STKLD1: variants seen among roughly 807,000 people sequenced by gnomAD.
STKLD1 encodes serine/threonine kinase-like domain-containing protein STKLD1.
STKLD1 carries 79 observed loss-of-function variants against 80.4 expected under a neutral mutation model. That is an observed-to-expected ratio of 0.98 (90% confidence interval 0.82 to 1.19). STKLD1 has a LOEUF of 1.19. Ranked by LOEUF, STKLD1 falls within the 50% of genes most tolerant of loss-of-function variation. The probability of loss-of-function intolerance (pLI) is 0.00; values close to 1 mark genes in which losing one functional copy is unlikely to be tolerated. For synonymous variants in STKLD1, 393 were observed against 357.6 expected (o/e 1.10, Z -1.12); for missense variants, 841 against 856.0 (o/e 0.98, Z 0.22).
Position 133,394,474 on chromosome 9 carries a change from G to T in STKLD1, c.702+65G>T, listed in dbSNP as rs917872222. 7.3e-6 allele frequency: 9 copies of T among 1,229,560 alleles called. No homozygotes were observed. The highest frequency in any genetic ancestry group is 6.0e-6 in the Non-Finnish European group (5 of 835,018). The allele number at this position is 1,229,560 out of a possible 1,614,324, so 76.2% of individuals were successfully genotyped here. On this transcript the variant is annotated intron_variant, in intron 8 of 17. Coordinates refer to ENST00000371957, the MANE Select transcript of STKLD1 (RefSeq NM_153710.5). This position sits in a 1 kb window ranked among gnomAD's most constrained non-coding sequence, Gnocchi z 4.9. ...CCCACGCGCCCAGGCCTGGGGAAAA[G>T]GCTTGGCCTCACCCTGCCTCCCCTC...
Position 133,403,843 on chromosome 9 carries a change from C to T in STKLD1, c.1603+15C>T, listed in dbSNP as rs374861261. 1.9e-4 allele frequency: 310 copies of T among 1,612,542 alleles called. No homozygotes were observed. Among genetic ancestry groups the T allele is most frequent in the Non-Finnish European group, 1.7e-4 (197 of 1,179,504 alleles). ...GTCCCTGCTGGGTGAGCTGGGTGGG[C>T]GCCCTGGGCCCCTGGGGCTGGGAGG... On this transcript the variant is annotated intron_variant, in intron 15 of 17. Transcript: ENST00000371957.
At chr9:133,396,910 G>C (rs371125464) in intron 9 of STKLD1, among the ~76,000 whole-genome samples, 1 of 152,300 alleles carries the variant, frequency 6.6e-6, no homozygotes, top group African/African-American at 2.4e-5. Context: ...CCAGGGCCCC[G>C]GACTGTCCCC....
Position 133,394,108 on chromosome 9 carries a change from G to A in STKLD1, c.584-183G>A. On this transcript the variant is annotated intron_variant, in intron 7 of 17. Coordinates refer to ENST00000371957, the MANE Select transcript of STKLD1 (RefSeq NM_153710.5). The surrounding 1 kb of genome is among the most constrained non-coding windows in gnomAD (Gnocchi z 4.9). ...CAACACAAAGCTCCCGCTGATTGGG[G>A]CCTCTTCCTCCCCACAGTTAATATT... is the stretch of plus-strand genomic sequence containing the variant. The A allele has an allele frequency of 1.6e-6, 1 of 628,452 alleles. No individual in the cohort carries two copies. Among genetic ancestry groups the A allele is most frequent in the Non-Finnish European group, 2.9e-6 (1 of 348,802 alleles). The allele number at this position is 628,452 out of a possible 1,614,324, so 38.9% of individuals were successfully genotyped here.
Position 133,395,746 on chromosome 9 carries a change from G to A in STKLD1, c.849G>A (p.Ser283=), listed in dbSNP as rs376464134. 3.0e-5 allele frequency: 49 copies of A among 1,613,248 alleles called. No homozygotes were observed. The highest frequency in any genetic ancestry group is 1.9e-4 in the South Asian group (17 of 91,082). ...CCTTGATGCTCCAGATCGACCCCTC[G>A]GATCGAATAACGATAAAGTGAGCTC... is the stretch of plus-strand genomic sequence containing the variant. ...LLPLMLQIDP[S]DRITIKDVVH... is the part of the protein sequence containing the mutation. Residue 283 remains serine, a synonymous_variant, in exon 9 of 18, where the codon TCG becomes TCA. Transcript: ENST00000371957.
Position 133,389,701 on chromosome 9 carries a change from G to T in STKLD1, c.467+105G>T, listed in dbSNP as rs1023060267. On this transcript the variant is annotated intron_variant, in intron 6 of 17. Transcript: ENST00000371957. This position sits in a 1 kb window ranked among gnomAD's most constrained non-coding sequence, Gnocchi z 6.4. ...CCGTGGGCAGGATCTGGGGAGAAAG[G>T]TGCACCGGGCCAGTGCAGCCAGGAT... 3 of 1,538,338 alleles carry T rather than the reference G, an allele frequency of 2.0e-6. No individual in the cohort carries two copies. Among genetic ancestry groups the T allele is most frequent in the Non-Finnish European group, 2.6e-6 (3 of 1,136,780 alleles).
intron 17 of STKLD1, 78 bp from the exon 18 acceptor site, chr9:133,405,174 C>T: frequency 1.3e-6 from 2 of 1,495,302 alleles, no homozygotes; most frequent in Non-Finnish European, 1.8e-6. Context: ...GAATGTGACC[C>T]ACTCTCATCC....
intron 7 of STKLD1, among the ~76,000 whole-genome samples, chr9:133,393,111 G>GTGGGTGGGCATATGGA (rs1838450005): frequency 7.3e-6 from 1 of 136,474 alleles, no homozygotes; most frequent in Non-Finnish European, 1.6e-5. Context: ...GGATGTGTGG[G>GTGGGTGGGCATATGGA]TGGGTGGGCA....
At chr9:133,376,930 G>A (rs1397921715) in intron 1 of STKLD1, among the ~76,000 whole-genome samples, 4 of 152,204 alleles carry the variant, frequency 2.6e-5, no homozygotes, top group Non-Finnish European at 5.9e-5. Flanking sequence ...CCCCTGCAGC[G>A]TGGGTCTGTG....
chr9:133,376,883 G>A (rs979015657), intron 1 of STKLD1, among the ~76,000 whole-genome samples: 1 of 152,184 alleles, frequency 6.6e-6, no homozygotes, highest in Non-Finnish European at 1.5e-5. Context: ...GGAACATCCC[G>A]AGTACATAAT....
At chr9:133,397,100 A>C in intron 9 of STKLD1, 64 bp from the exon 10 acceptor site, 1 of 1,604,672 alleles carries the variant, frequency 6.2e-7, no homozygotes, top group East Asian at 2.2e-5. Context: ...GCAGAGGGAG[A>C]GCCCCACGGG....
intron 5 of STKLD1, chr9:133,388,632 A>G (rs1303008976): frequency 4.2e-6 from 2 of 481,674 alleles, no homozygotes; most frequent in African/African-American, 4.2e-5. Flanking sequence ...TCTTATGGTT[A>G]GTGCCTTTGG....
Position 133,389,784 on chromosome 9 carries a change from C to T in STKLD1, c.467+188C>T, listed in dbSNP as rs1205925927. On this transcript the variant is annotated intron_variant, in intron 6 of 17. Transcript: ENST00000371957. The surrounding 1 kb of genome is among the most constrained non-coding windows in gnomAD (Gnocchi z 6.4). ...TGAAAGAGGCTCTTCCAAGTGGTCTCAAGCCATGTGCACACGCACAGCTGC... is the reference window on the plus strand; with the variant it reads ...TGAAAGAGGCTCTTCCAAGTGGTCTTAAGCCATGTGCACACGCACAGCTGC... 6.6e-6 allele frequency among the ~76,000 whole-genome samples: 1 copy of T among 152,208 alleles called. No individual in the cohort carries two copies. Among genetic ancestry groups the T allele is most frequent in the East Asian group, 1.9e-4 (1 of 5,178 alleles).
intron 14 of STKLD1, 25 bp from the exon 15 acceptor site, chr9:133,403,675 C>T (rs1838766083): frequency 6.2e-7 from 1 of 1,606,676 alleles, no homozygotes; most frequent in South Asian, 1.1e-5. Context: ...CTGGGTGTCC[C>T]CTTCCATCCC....
rs2130287255 is a variant in STKLD1, at chr9:133,390,764, A to G, written c.551A>G (p.Asp184Gly). 1 of 1,613,842 alleles carries G rather than the reference A, an allele frequency of 6.2e-7. No individual in the cohort carries two copies. Reference sequence around the variant, plus strand: ...CTGAGTTCCAATGTGCTAATGACAGACAAAGCCAAATGGAATATTCGTGCG... The same window carrying G: ...CTGAGTTCCAATGTGCTAATGACAGGCAAAGCCAAATGGAATATTCGTGCG... Reference protein sequence around the residue: ...QDLSSNVLMTDKAKWNIRAEE... With the variant: ...QDLSSNVLMTGKAKWNIRAEE... The change falls in exon 7 of 18, where the codon GAC becomes GGC. Residue 184 changes from aspartate to glycine, a missense_variant. Physicochemically the swap from Asp to Gly is moderately conservative, Grantham distance 94. Coordinates refer to ENST00000371957, the MANE Select transcript of STKLD1 (RefSeq NM_153710.5). This position sits in a 1 kb window ranked among gnomAD's most constrained non-coding sequence, Gnocchi z 5.1.
intron 12 of STKLD1, among the ~76,000 whole-genome samples, chr9:133,401,217 C>T (rs1838697835): frequency 6.7e-6 from 1 of 150,230 alleles, no homozygotes; most frequent in Non-Finnish European, 1.5e-5. Flanking sequence ...CGGCTCAATG[C>T]AACCTCCACC....
intron 16 of STKLD1, among the ~76,000 whole-genome samples, chr9:133,404,580 TG>T (rs904566887): frequency 6.6e-6 from 1 of 152,162 alleles, no homozygotes; most frequent in Non-Finnish European, 1.5e-5. Flanking sequence ...CCTTTGGCTC[TG>T]GGGGGGCTGC....
At chr9:133,381,286 C>T (rs1354305397) in intron 2 of STKLD1, among the ~76,000 whole-genome samples, 3 of 150,810 alleles carry the variant, frequency 2.0e-5, no homozygotes, top group African/African-American at 4.9e-5. Flanking sequence ...ATTACAGGCA[C>T]GTGCCACCAC....
chr9:133,403,822 C>G lies in STKLD1; in HGVS notation c.1597C>G (p.Leu533Val). Reference protein sequence around the residue: ...ASCGVFWLLSLLGCIKEQQFE... With the variant: ...ASCGVFWLLSVLGCIKEQQFE... Reference sequence around the variant, plus strand: ...CTGCGGAGTCTTCTGGCTGCTGTCCCTGCTGGGTGAGCTGGGTGGGCGCCC... The same window carrying G: ...CTGCGGAGTCTTCTGGCTGCTGTCCGTGCTGGGTGAGCTGGGTGGGCGCCC... The change falls in exon 15 of 18, where the codon CTG (leucine) becomes GTG (valine). Residue 533 changes from leucine to valine, a missense_variant. Physicochemically the swap from Leu to Val is conservative, Grantham distance 32 (BLOSUM62 1). Transcript: ENST00000371957. 1 of 1,613,536 alleles carries G rather than the reference C, an allele frequency of 6.2e-7. No homozygotes were observed. The highest frequency in any genetic ancestry group is 8.5e-7 in the Non-Finnish European group (1 of 1,179,948).
chr9:133,403,440 C>T (rs1427825941), intron 14 of STKLD1, among the ~76,000 whole-genome samples: 1 of 152,182 alleles, frequency 6.6e-6, no homozygotes, highest in East Asian at 1.9e-4. Context: ...CATCTTGGCA[C>T]TCCAGCGCCC....
Sources: allele counts gnomAD v4.1 joint callset (sites outside exome capture counted in the v4.1 genomes callset), GRCh38; gene constraint gnomAD v4.1.1; non-coding constraint Gnocchi (gnomAD v3.1); transcripts MANE v1.5; gene names NCBI Gene and HGNC (gene_info 2026-07-23, HGNC 2026-07-21).